KIF26B: variants seen among roughly 807,000 people sequenced by gnomAD.
KIF26B encodes kinesin family member 26B.
A neutral mutation model predicts 151.2 loss-of-function variants in KIF26B; 63 were observed. The ratio of observed to expected loss-of-function variants is 0.42; its 90% CI spans 0.34 to 0.51. KIF26B has a LOEUF of 0.51. Ranked by LOEUF, KIF26B falls within the 20% of genes least tolerant of loss-of-function variation. The pLI, the probability that KIF26B is intolerant of heterozygous loss-of-function variation, is 0.07. For synonymous variants in KIF26B, 1,357 were observed against 1,262.1 expected (o/e 1.08, Z -1.59); for missense variants, 2,813 against 2,913.6 (o/e 0.97, Z 0.79).
intron 2 of KIF26B, among the ~76,000 whole-genome samples, chr1:245,188,349 C>G (rs1391222801): frequency 2.0e-5 from 3 of 150,788 alleles, no homozygotes; most frequent in Non-Finnish European, 4.4e-5. Flanking sequence ...TCGGTGAAGC[C>G]GGGAGAGTAG....
rs542280486 is a variant in KIF26B, at chr1:245,432,687, C to A, written c.1166+12942C>A. Among the ~76,000 whole-genome samples, 9 of 152,242 alleles carry A rather than the reference C, an allele frequency of 5.9e-5. No individual in the cohort carries two copies. The South Asian group carries it at 1.7e-3, about 28-fold the overall frequency. ...AATCATGTGGAAGACATTATAGAAACTAAAGATGTGTGATATTATGTGGTG... is the reference window on the plus strand; with the variant it reads ...AATCATGTGGAAGACATTATAGAAAATAAAGATGTGTGATATTATGTGGTG... On this transcript the variant is annotated intron_variant, in intron 4 of 14. Coordinates refer to ENST00000407071, the MANE Select transcript of KIF26B (RefSeq NM_018012.4).
At chr1:245,496,350 A>AC in intron 4 of KIF26B, among the ~76,000 whole-genome samples, 1 of 152,368 alleles carries the variant, frequency 6.6e-6, no homozygotes, top group South Asian at 2.1e-4. Context: ...ATGAACATTG[A>AC]CCATATAAAA....
chr1:245,585,364 T>C (rs2043213502), intron 5 of KIF26B, among the ~76,000 whole-genome samples: 1 of 151,730 alleles, frequency 6.6e-6, no homozygotes, highest in South Asian at 2.1e-4. Context: ...TTATAAAAGT[T>C]TACAAAGTAA....
At chr1:245,282,649 C>A (rs1438559980) in intron 2 of KIF26B, among the ~76,000 whole-genome samples, 2 of 152,178 alleles carry the variant, frequency 1.3e-5, no homozygotes, top group African/African-American at 4.8e-5. Context: ...AAGCCCTATG[C>A]AAATCAGACA....
In KIF26B at chr1:245,707,231, T is replaced by C. The variant is rs1299047411; in HGVS notation, c.*4625T>C. On this transcript the variant is annotated 3_prime_UTR_variant, in exon 15 of 15. Coordinates refer to ENST00000407071, the MANE Select transcript of KIF26B (RefSeq NM_018012.4). ...AGCAATGTCATAACACTGGACACAG[T>C]GCGGCTTGGGGCAGTATCAAGCCTT... is the stretch of plus-strand genomic sequence containing the variant. 1 of 152,164 alleles carries C rather than the reference T, an allele frequency of 6.6e-6. No individual in the cohort carries two copies. The highest frequency in any genetic ancestry group is 1.5e-5 in the Non-Finnish European group (1 of 68,022). 9.4% of individuals were successfully genotyped at this position (152,164 alleles called of 1,614,324 possible). A position where few individuals can be genotyped will look rare whatever the true frequency, so the allele number is the denominator to read the frequency against.
chr1:245,559,165 G>A (rs1243895508), intron 5 of KIF26B, among the ~76,000 whole-genome samples: 1 of 152,042 alleles, frequency 6.6e-6, no homozygotes, highest in Non-Finnish European at 1.5e-5. Context: ...GGCAACGTAG[G>A]GAGACCCCAT....
At chr1:245,514,743 T>A (rs1198057946) in intron 4 of KIF26B, among the ~76,000 whole-genome samples, 1 of 152,200 alleles carries the variant, frequency 6.6e-6, no homozygotes, top group East Asian at 1.9e-4. Context: ...AGGTAACATC[T>A]GAATGTAGTA....
chr1:245,695,620 G>C (rs1309703564), intron 12 of KIF26B, among the ~76,000 whole-genome samples: 1 of 152,224 alleles, frequency 6.6e-6, no homozygotes, highest in Non-Finnish European at 1.5e-5. Context: ...CCTTGAGAGG[G>C]ATCGATGTGG....
intron 6 of KIF26B, among the ~76,000 whole-genome samples, chr1:245,603,640 C>G (rs530964646): frequency 8.5e-5 from 13 of 152,112 alleles, no homozygotes; most frequent in South Asian, 2.1e-4. Context: ...TCCACATTGT[C>G]GGTCGTCATC....
intron 2 of KIF26B, among the ~76,000 whole-genome samples, chr1:245,224,685 C>G (rs1034715391): frequency 5.9e-5 from 9 of 152,202 alleles, no homozygotes; most frequent in Non-Finnish European, 1.5e-5. Flanking sequence ...AACATAATGA[C>G]ATGCATCAAC....
intron 2 of KIF26B, among the ~76,000 whole-genome samples, chr1:245,365,402 C>T (rs1278489985): frequency 6.6e-6 from 1 of 152,032 alleles, no homozygotes; most frequent in East Asian, 1.9e-4. Flanking sequence ...AGGAGCTGTT[C>T]GGGGTAGTTA....
chr1:245,528,834 A>G (rs1220285878), intron 4 of KIF26B, among the ~76,000 whole-genome samples: 1 of 152,170 alleles, frequency 6.6e-6, no homozygotes, highest in Non-Finnish European at 1.5e-5. Flanking sequence ...TCAGAAACAG[A>G]ACTTCTCTGT....
chr1:245,486,524 T>C (rs1660284398), intron 4 of KIF26B, among the ~76,000 whole-genome samples: 1 of 152,254 alleles, frequency 6.6e-6, no homozygotes, highest in African/African-American at 2.4e-5. Context: ...GTAGTTATTA[T>C]AGAGCTTTTA....
rs562934563 is a variant in KIF26B at position 245,379,606 on chromosome 1, T to C, written c.999+12239T>C. Among the ~76,000 whole-genome samples the C allele has an allele frequency of 2.0e-5, 3 of 152,246 alleles. No individual in the cohort carries two copies. In the South Asian group the frequency reaches 6.2e-4, roughly 32 times the overall value. On this transcript the variant is annotated intron_variant, in intron 3 of 14. Coordinates refer to ENST00000407071, the MANE Select transcript of KIF26B (RefSeq NM_018012.4). ...ATATGTTTGCTTTCCTATTCTTTTA[T>C]GTATTTATAAAATATAAACCTTTCT...
At chr1:245,236,925 T>C (rs7513943) in intron 2 of KIF26B, among the ~76,000 whole-genome samples, 61,014 of 152,010 alleles carry the variant, frequency 0.4, 13,067 homozygotes, top group East Asian at 0.62. Flanking sequence ...CTTCATTTTG[T>C]AGATGGAAAC....
intron 2 of KIF26B, among the ~76,000 whole-genome samples, chr1:245,240,127 G>A (rs1260995138): frequency 6.6e-6 from 1 of 152,090 alleles, no homozygotes; most frequent in Admixed American, 6.5e-5. Flanking sequence ...CCGAGATCGT[G>A]CTTCCAGCCT....
rs534398500 is a variant in KIF26B, at chr1:245,570,581, G to A, written c.1350+29631G>A. On this transcript the variant is annotated intron_variant, in intron 5 of 14. Transcript: ENST00000407071. The stretch of plus-strand genomic sequence containing the variant: ...CCTTCGTTTGGCACCCCCATGGGTT[G>A]TGGGCACAGAGGCAGGGAGGCTCTG... Among the ~76,000 whole-genome samples, 4 of 152,316 alleles carry A rather than the reference G, an allele frequency of 2.6e-5. No individual in the cohort carries two copies. The East Asian group carries it at 7.7e-4, about 29-fold the overall frequency.
intron 3 of KIF26B, among the ~76,000 whole-genome samples, chr1:245,406,964 T>G (rs1175830252): frequency 3.9e-5 from 6 of 151,972 alleles, no homozygotes; most frequent in African/African-American, 1.5e-4. Context: ...ATTTTTGTAT[T>G]TTTAGTAGAG....
rs1397029070 is a variant in KIF26B at position 245,687,058 on chromosome 1, G to A, written c.4075G>A (p.Gly1359Ser). The A allele has an allele frequency of 2.5e-6, 4 of 1,613,378 alleles. No homozygotes were observed. Among genetic ancestry groups the A allele is most frequent in the Non-Finnish European group, 3.4e-6 (4 of 1,179,854 alleles). Reference sequence around the variant, plus strand: ...TTTCAACAAAGCAGCCCCCATCAAAGGCTGCAAAATATCCACAGTGAGCAA... The same window carrying A: ...TTTCAACAAAGCAGCCCCCATCAAAAGCTGCAAAATATCCACAGTGAGCAA... ...DSFNKAAPIK[G>S]CKISTVSKAM... Residue 1359 changes from glycine to serine, a missense_variant, in exon 12 of 15, where the codon GGC becomes AGC. Gly to Ser is a moderately conservative substitution (Grantham distance 56). Around this residue, in one of 3 missense-constraint regions of KIF26B, gnomAD observed 2,060 missense variants for 2,088.6 expected, o/e 0.99. Coordinates refer to ENST00000407071, the MANE Select transcript of KIF26B (RefSeq NM_018012.4). This position sits in a 1 kb window ranked among gnomAD's most constrained non-coding sequence, Gnocchi z 4.9.
Sources: allele counts gnomAD v4.1 joint callset (sites outside exome capture counted in the v4.1 genomes callset), GRCh38; gene constraint gnomAD v4.1.1; regional missense constraint gnomAD v4.1.1; non-coding constraint Gnocchi (gnomAD v3.1); transcripts MANE v1.5; gene names NCBI Gene and HGNC (gene_info 2026-07-23, HGNC 2026-07-21).